SDK1: variants seen among roughly 807,000 people sequenced by gnomAD.
The protein encoded by SDK1 is sidekick cell adhesion molecule 1, also known as protein sidekick-1.
A neutral mutation model predicts 245.5 loss-of-function variants in SDK1; 157 were observed. The observed-to-expected ratio is 0.64, with a 90% CI of 0.56 to 0.73. SDK1 has a LOEUF of 0.73. Among genes scored for constraint, SDK1 ranks in the 30% least tolerant of loss-of-function variants. The probability of loss-of-function intolerance (pLI) is 0.00; values close to 1 mark genes in which losing one functional copy is unlikely to be tolerated. For missense variants in SDK1, 3,583 were observed against 3,002.3 expected (o/e 1.19, Z -4.52); for synonymous variants, 1,647 against 1,278.5 (o/e 1.29, Z -6.15).
intron 4 of SDK1, among the ~76,000 whole-genome samples, chr7:3,805,962 G>C (rs551985698): frequency 6.6e-6 from 1 of 151,994 alleles, no homozygotes. Context: ...TCTAGTTTTC[G>C]TGCTTCTCTC....
intron 17 of SDK1, among the ~76,000 whole-genome samples, chr7:4,029,704 A>G (rs1419514431): frequency 1.3e-5 from 2 of 152,160 alleles, no homozygotes; most frequent in Non-Finnish European, 2.9e-5. Flanking sequence ...GGGTGACCTC[A>G]ACAAACTCTA....
At chr7:3,484,699 C>G (rs1000118527) in intron 1 of SDK1, among the ~76,000 whole-genome samples, 7 of 152,156 alleles carry the variant, frequency 4.6e-5, no homozygotes, top group Non-Finnish European at 1.5e-5. Flanking sequence ...AACACTGTTG[C>G]ACTCACTACC....
In SDK1 at chr7:3,396,557, T is replaced by C. The variant is rs180900636; in HGVS notation, c.298+94673T>C. On this transcript the variant is annotated intron_variant, in intron 1 of 44. Coordinates refer to ENST00000404826, the MANE Select transcript of SDK1 (RefSeq NM_152744.4). ...TTTTGGACCCCTGTTACTGCATACA[T>C]ATTTATAAATTGTTATCTTTACCTG... is the stretch of plus-strand genomic sequence containing the variant. 4.5e-3 allele frequency among the ~76,000 whole-genome samples: 686 copies of C among 152,006 alleles called. 6 individuals are homozygous for C. The highest frequency in any genetic ancestry group is 0.016 in the African/African-American group (661 of 41,554).
In SDK1 at chr7:3,548,002, A is replaced by G. The variant is rs138640756; in HGVS notation, c.299-71078A>G. On this transcript the variant is annotated intron_variant, in intron 1 of 44. Transcript: ENST00000404826. ...TTCTGTTCTTTTGAAGACAGCTTTG[A>G]TTGTTTCTAAAGTGCCAATGGAAAA... Among the ~76,000 whole-genome samples the G allele has an allele frequency of 3.3e-3, 498 of 152,240 alleles. 1 individual carries two copies. The highest frequency in any genetic ancestry group is 0.012 in the African/African-American group (483 of 41,542).
At chr7:3,358,401 T>C (rs548408797) in intron 1 of SDK1, among the ~76,000 whole-genome samples, 26 of 152,082 alleles carry the variant, frequency 1.7e-4, no homozygotes, top group African/African-American at 5.8e-4. Context: ...GGGGCAAATA[T>C]TTGGAGCAAT....
chr7:4,200,869 C>G (rs890858608), intron 35 of SDK1, among the ~76,000 whole-genome samples: 9 of 152,380 alleles, frequency 5.9e-5, no homozygotes, highest in Admixed American at 1.3e-4. Flanking sequence ...AGCCCATTAC[C>G]TGTTCTTGTA....
chr7:3,397,283 G>T (rs1228939556), intron 1 of SDK1, among the ~76,000 whole-genome samples: 1 of 151,732 alleles, frequency 6.6e-6, no homozygotes, highest in Non-Finnish European at 1.5e-5. Context: ...CTATTTAATT[G>T]CCTTTATTGG....
intron 5 of SDK1, among the ~76,000 whole-genome samples, chr7:3,907,980 G>T (rs1779014287): frequency 6.6e-6 from 1 of 152,110 alleles, no homozygotes; most frequent in Admixed American, 6.5e-5. Flanking sequence ...TTGTTGGCTT[G>T]GGGCTTGGGG....
chr7:4,101,853 C>T (rs539306176), intron 22 of SDK1, among the ~76,000 whole-genome samples: 5 of 152,114 alleles, frequency 3.3e-5, no homozygotes, highest in African/African-American at 1.2e-4. Context: ...AAAGAGGAGG[C>T]AAGGACACAC....
chr7:3,316,986 C>T (rs895367098), intron 1 of SDK1, among the ~76,000 whole-genome samples: 1 of 151,554 alleles, frequency 6.6e-6, no homozygotes, highest in Non-Finnish European at 1.5e-5. Context: ...TTGAGACCAG[C>T]CTGGGCAACA....
At chr7:3,988,168 T>G (rs1307998083) in intron 14 of SDK1, among the ~76,000 whole-genome samples, 1 of 132,468 alleles carries the variant, frequency 7.5e-6, no homozygotes, top group Non-Finnish European at 1.6e-5. Flanking sequence ...ACCTCACTCC[T>G]GCAGCCACCC....
chr7:4,178,705 T>G, intron 35 of SDK1, 119 bp downstream of exon 35: 1 of 702,726 alleles, frequency 1.4e-6, no homozygotes, highest in Non-Finnish European at 2.5e-6. Flanking sequence ...TTGAACACAT[T>G]GCTGTCGGGG....
chr7:4,129,847 C>T, intron 26 of SDK1, 61 bp from the exon 27 acceptor site: 1 of 1,600,992 alleles, frequency 6.2e-7, no homozygotes, highest in Admixed American at 1.7e-5. Flanking sequence ...CTGCCCCATG[C>T]CACGGCGGTC....
At chr7:4,199,123 C>T (rs1270346488) in intron 35 of SDK1, among the ~76,000 whole-genome samples, 1 of 152,146 alleles carries the variant, frequency 6.6e-6, no homozygotes, top group African/African-American at 2.4e-5. Flanking sequence ...CCTCAGTTTT[C>T]TAAAAGGAGA....
intron 1 of SDK1, among the ~76,000 whole-genome samples, chr7:3,596,593 CT>C (rs1305243517): frequency 6.6e-6 from 1 of 152,210 alleles, no homozygotes; most frequent in Non-Finnish European, 1.5e-5. Flanking sequence ...TGCAAGTTCC[CT>C]CAGGCCCTTC....
At chr7:4,257,341 T>G (rs1389109674) in intron 44 of SDK1, among the ~76,000 whole-genome samples, 1 of 152,210 alleles carries the variant, frequency 6.6e-6, no homozygotes, top group African/African-American at 2.4e-5. Flanking sequence ...TTCTACAGTT[T>G]CCCGGGAAAC....
chr7:3,504,633 A>G (rs1006809463), intron 1 of SDK1, among the ~76,000 whole-genome samples: 2 of 152,172 alleles, frequency 1.3e-5, no homozygotes, highest in African/African-American at 2.4e-5. Flanking sequence ...TTAGATCCCT[A>G]CCTCACAGCA....
intron 4 of SDK1, among the ~76,000 whole-genome samples, chr7:3,660,222 A>G (rs910638865): frequency 1.3e-5 from 2 of 152,110 alleles, no homozygotes; most frequent in African/African-American, 4.8e-5. Flanking sequence ...AGAGCAGGGT[A>G]GAGAAATAAG....
intron 1 of SDK1, among the ~76,000 whole-genome samples, chr7:3,540,062 G>A (rs896589402): frequency 2.6e-5 from 4 of 152,168 alleles, no homozygotes; most frequent in Admixed American, 2.6e-4. Context: ...AAACACATAT[G>A]TGGATCACAT....
Sources: allele counts gnomAD v4.1 joint callset (sites outside exome capture counted in the v4.1 genomes callset), GRCh38; gene constraint gnomAD v4.1.1; transcripts MANE v1.5; gene names NCBI Gene and HGNC (gene_info 2026-07-23, HGNC 2026-07-21).